The following NEK10 variants were observed in gnomAD, a reference collection of about 807,000 sequenced individuals.
The protein encoded by NEK10 is serine/threonine-protein kinase Nek10.
NEK10 carries 122 observed loss-of-function variants against 159.8 expected under a neutral mutation model. The observed-to-expected ratio is 0.76, with a 90% CI of 0.66 to 0.89. NEK10 has a LOEUF of 0.89. Among genes scored for constraint, NEK10 ranks in the 40% least tolerant of loss-of-function variants. NEK10 has a pLI of 0.00. For missense variants in NEK10, 1,342 were observed against 1,323.1 expected, an observed-to-expected ratio of 1.01 and a Z score of -0.22; for synonymous variants, 466 against 457.1, an observed-to-expected ratio of 1.02 and a Z score of -0.25.
intron 15 of NEK10, among the ~76,000 whole-genome samples, chr3:27,295,342 A>AT (rs1342562122): frequency 6.6e-6 from 1 of 152,294 alleles, no homozygotes; most frequent in East Asian, 1.9e-4. Flanking sequence ...AGGAATGCAT[A>AT]TTTTTTTAAA....
In NEK10 at chr3:27,282,538, T is replaced by TATATATATATATA. The variant is rs2042237869; in HGVS notation, c.2014+2063_2014+2064insTATATATATATAT. ...TCTGTTGTATATATACATAAATGTG[T>TATATATATATATA]TATATATATATATATATATATACAT... On this transcript the variant is annotated intron_variant, in intron 22 of 35. Transcript: ENST00000691995. 4.7e-5 allele frequency among the ~76,000 whole-genome samples: 2 copies of TATATATATATATA among 42,144 alleles called. 1 individual carries two copies. The highest frequency in any genetic ancestry group is 1.7e-4 in the African/African-American group (2 of 11,514). 27.6% of individuals were successfully genotyped at this position (42,144 alleles called of 152,430 possible).
chr3:27,367,340 C>T (rs539452728), intron 1 of NEK10, among the ~76,000 whole-genome samples: 2 of 152,282 alleles, frequency 1.3e-5, no homozygotes, highest in African/African-American at 4.8e-5. Context: ...AAGCTTAGCT[C>T]TTGCACACCA....
chr3:27,208,270 T>A (rs1950695993), intron 23 of NEK10, among the ~76,000 whole-genome samples: 1 of 152,178 alleles, frequency 6.6e-6, no homozygotes, highest in African/African-American at 2.4e-5. Flanking sequence ...AATATTCAGA[T>A]ATATGGTGAG....
intron 23 of NEK10, among the ~76,000 whole-genome samples, chr3:27,223,109 A>G (rs1210937574): frequency 1.3e-5 from 2 of 152,188 alleles, no homozygotes; most frequent in Non-Finnish European, 2.9e-5. Flanking sequence ...TCTTCATATT[A>G]AATAATGTGC....
rs757001984 is a variant in NEK10 at position 27,174,707 on chromosome 3, TGTCTTC to T, written c.2626_2631del (p.Glu876_Asp877del). The T allele has an allele frequency of 2.5e-6, 4 of 1,613,476 alleles. No homozygotes were observed. The East Asian group carries it at 8.9e-5, about 36-fold the overall frequency. On this transcript the variant is annotated inframe_deletion, in exon 27 of 36. Coordinates refer to ENST00000691995, the MANE Select transcript of NEK10 (RefSeq NM_001394966.1). The stretch of plus-strand genomic sequence containing the variant: ...TCTGACAGGATTTCGTCACAGGCCC[TGTCTTC>T]GTCTTTACCATAGGAGGCCTGGAAG...
intron 30 of NEK10, chr3:27,162,156 G>A (rs754231892): frequency 3.2e-6 from 1 of 315,866 alleles, no homozygotes; most frequent in Non-Finnish European, 5.9e-6. Context: ...GTAAAACATG[G>A]TTACTATTTT....
At chr3:27,136,903 GT>G (rs1943276388) in intron 31 of NEK10, among the ~76,000 whole-genome samples, 1 of 152,186 alleles carries the variant, frequency 6.6e-6, no homozygotes, top group African/African-American at 2.4e-5. Context: ...GCTACCAAGT[GT>G]TAAGTCTGAG....
chr3:27,143,908 A>C (rs556685927), intron 30 of NEK10, among the ~76,000 whole-genome samples: 2 of 152,248 alleles, frequency 1.3e-5, no homozygotes, highest in African/African-American at 4.8e-5. Context: ...TGTTATGATC[A>C]GCATTTTGAA....
intron 31 of NEK10, among the ~76,000 whole-genome samples, chr3:27,137,724 T>C (rs1186906731): frequency 6.6e-5 from 10 of 152,182 alleles, no homozygotes; most frequent in African/African-American, 2.4e-4. Flanking sequence ...AGTGATCAGT[T>C]TTAGACTCTT....
At chr3:27,353,775 G>A (rs972793359) in intron 1 of NEK10, among the ~76,000 whole-genome samples, 7 of 151,942 alleles carry the variant, frequency 4.6e-5, no homozygotes, top group Non-Finnish European at 2.9e-5. Context: ...CTGCTAAAAG[G>A]TTAAAGAAGC....
intron 23 of NEK10, among the ~76,000 whole-genome samples, chr3:27,249,625 G>A (rs532224617): frequency 6.6e-6 from 1 of 152,184 alleles, no homozygotes; most frequent in East Asian, 1.9e-4. Context: ...GAGGTGAAAT[G>A]CATTTTTAAT....
chr3:27,321,110 G>T (rs1437117580), intron 6 of NEK10, among the ~76,000 whole-genome samples: 3 of 151,852 alleles, frequency 2.0e-5, no homozygotes, highest in Non-Finnish European at 2.9e-5. Context: ...AATTAAAGGT[G>T]TGAGCTTCCT....
At chr3:27,210,291 C>T (rs747892313) in intron 23 of NEK10, among the ~76,000 whole-genome samples, 2 of 145,544 alleles carry the variant, frequency 1.4e-5, no homozygotes, top group Non-Finnish European at 2.9e-5. Flanking sequence ...AGGCATCACA[C>T]GGCAAAGGGG....
chr3:27,312,144 A>T lies in NEK10; in HGVS notation c.523T>A (p.Tyr175Asn), dbSNP rs1237139840. 1 of 1,612,502 alleles carries T rather than the reference A, an allele frequency of 6.2e-7. No homozygotes were observed. The highest frequency in any genetic ancestry group is 8.5e-7 in the Non-Finnish European group (1 of 1,179,186). ...MEIVANEYLGYGEEQHTVDKL... is the reference protein window; with the variant it reads ...MEIVANEYLGNGEEQHTVDKL... ...TCCACAGTGTGCTGCTCTTCTCCAT[A>T]GCCGAGGTACTCATTGGCTACAATC... The change falls in exon 8 of 36, where the codon TAT becomes AAT. Residue 175 changes from tyrosine to asparagine, a missense_variant. Physicochemically the swap from Tyr to Asn is moderately radical, Grantham distance 143. Coordinates refer to ENST00000691995, the MANE Select transcript of NEK10 (RefSeq NM_001394966.1).
intron 22 of NEK10, among the ~76,000 whole-genome samples, chr3:27,264,168 A>G (rs2040676493): frequency 1.3e-5 from 2 of 152,210 alleles, no homozygotes; most frequent in South Asian, 4.1e-4. Flanking sequence ...GACACTGCCA[A>G]TATAGAAAAA....
chr3:27,298,259 TCTTTC>T (rs2043522335), intron 13 of NEK10, among the ~76,000 whole-genome samples: 1 of 152,092 alleles, frequency 6.6e-6, no homozygotes, highest in Non-Finnish European at 1.5e-5. Flanking sequence ...TGGGGGTGGG[TCTTTC>T]CTGCACTGTT....
At chr3:27,155,012 C>A (rs1215987484) in intron 30 of NEK10, among the ~76,000 whole-genome samples, 1 of 152,172 alleles carries the variant, frequency 6.6e-6, no homozygotes, top group Non-Finnish European at 1.5e-5. Context: ...CAAACTGTCA[C>A]CGTTTGCTGT....
intron 30 of NEK10, among the ~76,000 whole-genome samples, chr3:27,147,313 CAG>C (rs1438447380): frequency 1.3e-5 from 2 of 152,186 alleles, no homozygotes; most frequent in Non-Finnish European, 2.9e-5. Context: ...AGGGAAGTGA[CAG>C]AGGATATGAT....
intron 15 of NEK10, among the ~76,000 whole-genome samples, chr3:27,294,386 C>A (rs2043201051): frequency 6.6e-6 from 1 of 152,106 alleles, no homozygotes. Context: ...TACAAAATTG[C>A]CCAGAGAGGT....
Sources: allele counts gnomAD v4.1 joint callset (sites outside exome capture counted in the v4.1 genomes callset), GRCh38; gene constraint gnomAD v4.1.1; transcripts MANE v1.5; gene names NCBI Gene and HGNC (gene_info 2026-07-23, HGNC 2026-07-21).